The following LRRIQ3 variants were observed in gnomAD, a reference collection of about 807,000 sequenced individuals.
The protein encoded by LRRIQ3 is leucine rich repeats and IQ motif containing 3, also known as leucine-rich repeat and IQ domain-containing protein 3.
A neutral mutation model predicts 59.3 loss-of-function variants in LRRIQ3; 75 were observed. The observed-to-expected ratio is 1.26, with a 90% CI of 1.05 to 1.53. The LOEUF (loss-of-function observed/expected upper bound fraction) is 1.53, where lower values mean the gene tolerates loss of function less well. LRRIQ3 is among the 40% of genes most tolerant of loss of function. The pLI, the probability that LRRIQ3 is intolerant of heterozygous loss-of-function variation, is 0.00. For missense variants in LRRIQ3, 831 were observed against 710.0 expected, an observed-to-expected ratio of 1.17 and a Z score of -1.94; for synonymous variants, 250 against 231.3, an observed-to-expected ratio of 1.08 and a Z score of -0.73.
intron 1 of LRRIQ3, among the ~76,000 whole-genome samples, chr1:74,186,516 G>A (rs1650389910): frequency 6.6e-6 from 1 of 152,084 alleles, no homozygotes; most frequent in Non-Finnish European, 1.5e-5. Flanking sequence ...TAATGAACCT[G>A]ATAAAATAAC....
intron 4 of LRRIQ3, among the ~76,000 whole-genome samples, chr1:74,149,964 A>G (rs1272798915): frequency 1.3e-5 from 2 of 152,218 alleles, no homozygotes; most frequent in Non-Finnish European, 2.9e-5. Flanking sequence ...CAGTGTACCC[A>G]TACAACTAAA....
intron 7 of LRRIQ3, among the ~76,000 whole-genome samples, chr1:74,029,534 C>T (rs766953417): frequency 7.2e-5 from 11 of 152,040 alleles, no homozygotes; most frequent in Non-Finnish European, 1.5e-4. Context: ...AGCCTTGCAT[C>T]CCAGGGATGA....
intron 4 of LRRIQ3, among the ~76,000 whole-genome samples, chr1:74,143,469 G>C (rs1310670473): frequency 2.0e-5 from 3 of 151,822 alleles, no homozygotes; most frequent in Non-Finnish European, 4.4e-5. Flanking sequence ...TGCAAAGCTA[G>C]ACAATATTTT....
intron 6 of LRRIQ3, among the ~76,000 whole-genome samples, chr1:74,065,557 G>A (rs372122115): frequency 1.3e-5 from 2 of 152,056 alleles, no homozygotes; most frequent in South Asian, 2.1e-4. Flanking sequence ...CATAGTTAAC[G>A]TGAGGTCAAT....
intron 4 of LRRIQ3, among the ~76,000 whole-genome samples, chr1:74,134,828 A>G (rs1053122089): frequency 6.6e-5 from 10 of 151,950 alleles, no homozygotes; most frequent in African/African-American, 2.4e-4. Context: ...GTGGTAAAGG[A>G]GAAATACAGG....
intron 1 of LRRIQ3, among the ~76,000 whole-genome samples, chr1:74,187,252 C>T (rs563482413): frequency 6.6e-6 from 1 of 151,956 alleles, no homozygotes; most frequent in East Asian, 1.9e-4. Flanking sequence ...GCACAACTCA[C>T]AATTGCAAAG....
intron 1 of LRRIQ3, among the ~76,000 whole-genome samples, chr1:74,186,002 C>A (rs1434424897): frequency 6.6e-6 from 1 of 151,056 alleles, no homozygotes; most frequent in East Asian, 1.9e-4. Flanking sequence ...TGGCTTTATA[C>A]TGTTAATCAT....
At chr1:74,138,521 G>A in intron 4 of LRRIQ3, 2 of 983,952 alleles carry the variant, frequency 2.0e-6, no homozygotes, top group Non-Finnish European at 2.4e-6. Flanking sequence ...GTCTCAATAT[G>A]AGAAACAAAA....
At chr1:74,108,417 T>C (rs770683652) in intron 5 of LRRIQ3, among the ~76,000 whole-genome samples, 27 of 151,876 alleles carry the variant, frequency 1.8e-4, no homozygotes, top group Non-Finnish European at 3.2e-4. Context: ...AGAATATGTT[T>C]GCCTTTTGTA....
intron 4 of LRRIQ3, among the ~76,000 whole-genome samples, chr1:74,140,063 T>C (rs1647205026): frequency 6.6e-6 from 1 of 151,710 alleles, no homozygotes; most frequent in Admixed American, 6.6e-5. Context: ...AATAACACAA[T>C]GTATTTAATA....
intron 1 of LRRIQ3, among the ~76,000 whole-genome samples, chr1:74,193,345 C>T (rs1650890043): frequency 6.6e-6 from 1 of 152,072 alleles, no homozygotes; most frequent in South Asian, 2.1e-4. Context: ...CCATTATCAG[C>T]AAACCTTTCC....
intron 6 of LRRIQ3, among the ~76,000 whole-genome samples, chr1:74,060,316 TCCTCCTCCTCCTCTTCCA>T (rs1654685025): frequency 6.7e-6 from 1 of 148,878 alleles, no homozygotes; most frequent in South Asian, 2.1e-4. Flanking sequence ...TTCTTCTTCC[TCCTCCTCCTCCTCTTCCA>T]CCTCCTCCTC....
At position 74,109,469 on chromosome 1, in the gene LRRIQ3, A is replaced by C. The variant is rs772345183; in HGVS notation, c.792T>G (p.Tyr264Ter). The part of the protein sequence containing the change: ...EAKWIYITKG[Y>*]EDKLLKDLFF... ...AGAGATCCTTAAGGAGCTTATCTTC[A>C]TACCCTTTGGTTATGTAAATCCATT... Residue 264 changes from tyrosine to a stop codon, truncating the protein, a stop_gained, in exon 5 of 8, where the codon TAT becomes TAG. Coordinates refer to ENST00000354431, the MANE Select transcript of LRRIQ3 (RefSeq NM_001105659.2). LOFTEE classifies it high-confidence loss of function. The C allele has an allele frequency of 6.3e-7, 1 of 1,577,012 alleles. No homozygotes were observed. Among genetic ancestry groups the C allele is most frequent in the Non-Finnish European group, 8.6e-7 (1 of 1,164,160 alleles).
intron 4 of LRRIQ3, among the ~76,000 whole-genome samples, chr1:74,110,071 A>G (rs1165463201): frequency 6.6e-6 from 1 of 151,914 alleles, no homozygotes; most frequent in Non-Finnish European, 1.5e-5. Context: ...AAAAAGTTTA[A>G]AAAACAGGTA....
At chr1:74,166,310 T>G (rs1648988233) in intron 3 of LRRIQ3, among the ~76,000 whole-genome samples, 1 of 151,630 alleles carries the variant, frequency 6.6e-6, no homozygotes, top group African/African-American at 2.4e-5. Context: ...TCTGTAGAAG[T>G]GTTTCATTTC....
chr1:74,139,000 C>T (rs1326761131), intron 4 of LRRIQ3, among the ~76,000 whole-genome samples: 1 of 150,338 alleles, frequency 6.7e-6, no homozygotes, highest in African/African-American at 2.4e-5. Context: ...ATAACAAGAC[C>T]CTGTCTCTAC....
intron 3 of LRRIQ3, 174 bp downstream of exon 3, chr1:74,182,364 C>A: frequency 2.7e-6 from 1 of 373,310 alleles, no homozygotes. Context: ...GGCATGCAAA[C>A]TTTTATCAAG....
chr1:74,150,622 T>C (rs1647870689), intron 4 of LRRIQ3, among the ~76,000 whole-genome samples: 1 of 152,294 alleles, frequency 6.6e-6, no homozygotes, highest in South Asian at 2.1e-4. Context: ...AGCCCTAGCA[T>C]TTAGATGGTT....
chr1:74,109,740 G>T (rs540803807), intron 4 of LRRIQ3, among the ~76,000 whole-genome samples, 187 bp from the exon 5 acceptor site: 54 of 151,832 alleles, frequency 3.6e-4, no homozygotes, highest in African/African-American at 1.3e-3. Context: ...ACATTCATCA[G>T]AGGATAAATG....
Sources: gnomAD v4.1 joint callset for allele counts (sites outside exome capture counted in the v4.1 genomes callset) on GRCh38, gnomAD v4.1.1 for gene constraint, MANE v1.5 for transcripts, NCBI Gene and HGNC (gene_info 2026-07-23, HGNC 2026-07-21) for gene names.